NKAIN2: variants seen among roughly 807,000 people sequenced by gnomAD.
The protein encoded by NKAIN2 is sodium/potassium-transporting ATPase subunit beta-1-interacting protein 2.
NKAIN2 carries 14 observed loss-of-function variants against 32.6 expected under a neutral mutation model. That is an observed-to-expected ratio of 0.43 (90% CI 0.28 to 0.67). The LOEUF is 0.67. Among genes scored for constraint, NKAIN2 ranks in the 30% least tolerant of loss-of-function variants. The pLI is 0.17. For synonymous variants in NKAIN2, 80 were observed against 87.2 expected, an observed-to-expected ratio of 0.92 and a Z score of 0.46; for missense variants, 198 against 258.3, an observed-to-expected ratio of 0.77 and a Z score of 1.60.
chr6:124,693,461 C>G (rs1488941663), intron 4 of NKAIN2, among the ~76,000 whole-genome samples: 2 of 152,118 alleles, frequency 1.3e-5, no homozygotes, highest in African/African-American at 2.4e-5. Flanking sequence ...CTAAATGATT[C>G]ACGACTGTTT....
intron 1 of NKAIN2, among the ~76,000 whole-genome samples, chr6:124,232,423 A>T (rs147547881): frequency 6.6e-6 from 1 of 152,310 alleles, no homozygotes; most frequent in Non-Finnish European, 1.5e-5. Context: ...GATCATGATG[A>T]GCCTACATGT....
intron 3 of NKAIN2, among the ~76,000 whole-genome samples, chr6:124,550,428 C>A (rs1007938346): frequency 6.6e-6 from 1 of 151,692 alleles, no homozygotes; most frequent in African/African-American, 2.4e-5. Flanking sequence ...TCCTTACTTT[C>A]TGGCACCACA....
intron 3 of NKAIN2, among the ~76,000 whole-genome samples, chr6:124,454,105 T>G (rs1245784160): frequency 7.7e-6 from 1 of 130,648 alleles, no homozygotes; most frequent in African/African-American, 2.8e-5. Context: ...GGTTTTTTTT[T>G]TGGGGGGGGG....
intron 1 of NKAIN2, among the ~76,000 whole-genome samples, chr6:123,836,579 T>C (rs752676159): frequency 2.0e-5 from 3 of 151,844 alleles, no homozygotes; most frequent in Non-Finnish European, 4.4e-5. Flanking sequence ...CGTCACAATT[T>C]GGAATGAAGC....
intron 3 of NKAIN2, among the ~76,000 whole-genome samples, chr6:124,553,176 A>G (rs975494413): frequency 3.3e-5 from 5 of 152,336 alleles, no homozygotes. Context: ...ATGAATCGTT[A>G]TTGGAATTCC....
At chr6:124,468,739 T>C (rs1157125357) in intron 3 of NKAIN2, among the ~76,000 whole-genome samples, 1 of 152,152 alleles carries the variant, frequency 6.6e-6, no homozygotes, top group Non-Finnish European at 1.5e-5. Flanking sequence ...TCGATGAAAC[T>C]TATATATGGG....
At chr6:124,351,175 T>G (rs1393511034) in intron 2 of NKAIN2, among the ~76,000 whole-genome samples, 1 of 152,174 alleles carries the variant, frequency 6.6e-6, no homozygotes, top group Non-Finnish European at 1.5e-5. Flanking sequence ...TCAAAAACCC[T>G]TAATCTAGTG....
Position 123,976,356 on chromosome 6 carries a change from TATATATA to T in NKAIN2, c.54+172103_54+172109del, listed in dbSNP as rs1778607617. Reference sequence around the variant, plus strand: ...ATATATATATATGTTCCCATATATATATATATATATATTCCCATATATATATATATAT... The same window carrying T: ...ATATATATATATGTTCCCATATATATTATATTCCCATATATATATATATAT... On this transcript the variant is annotated intron_variant, in intron 1 of 6. Coordinates refer to ENST00000368417, the MANE Select transcript of NKAIN2 (RefSeq NM_001040214.3). 2.8e-4 allele frequency among the ~76,000 whole-genome samples: 8 copies of T among 28,210 alleles called. 1 individual carries two copies. Among genetic ancestry groups the T allele is most frequent in the African/African-American group, 1.3e-3 (8 of 6,070 alleles). The allele number at this position is 28,210 out of a possible 152,430, so 18.5% of individuals were successfully genotyped here.
rs150234113 is a variant in NKAIN2, at chr6:123,837,458, G to A, written c.54+33204G>A. 2.3e-3 allele frequency among the ~76,000 whole-genome samples: 353 copies of A among 152,098 alleles called. 1 individual carries two copies. The highest frequency in any genetic ancestry group is 4.1e-3 in the Non-Finnish European group (280 of 67,942). On this transcript the variant is annotated intron_variant, in intron 1 of 6. Transcript: ENST00000368417. ...CTTCCACCCACATTTAATCTATCAAGACATTGTGTTGATTCTACCTTTAAA... is the reference window on the plus strand; with the variant it reads ...CTTCCACCCACATTTAATCTATCAAAACATTGTGTTGATTCTACCTTTAAA...
intron 3 of NKAIN2, among the ~76,000 whole-genome samples, chr6:124,407,658 G>A (rs902704161): frequency 2.0e-4 from 31 of 151,812 alleles, no homozygotes; most frequent in Admixed American, 1.5e-3. Context: ...ATAAACATAC[G>A]TGTGCATGTG....
At chr6:124,452,379 C>T (rs564534621) in intron 3 of NKAIN2, among the ~76,000 whole-genome samples, 4 of 151,916 alleles carry the variant, frequency 2.6e-5, no homozygotes, top group South Asian at 4.2e-4. Context: ...TCCATTGGGA[C>T]GGGGCAAGAA....
chr6:124,323,854 C>T (rs560968711), intron 2 of NKAIN2, among the ~76,000 whole-genome samples: 74 of 144,064 alleles, frequency 5.1e-4, no homozygotes, highest in Middle Eastern at 3.7e-3. Context: ...GTGGCACAAT[C>T]TCGGCTCACT....
At chr6:124,446,041 G>A (rs1775878815) in intron 3 of NKAIN2, among the ~76,000 whole-genome samples, 1 of 152,056 alleles carries the variant, frequency 6.6e-6, no homozygotes, top group African/African-American at 2.4e-5. Flanking sequence ...TTACTTATTT[G>A]CAGAACAACG....
intron 1 of NKAIN2, among the ~76,000 whole-genome samples, chr6:124,079,054 G>C (rs1055311794): frequency 1.3e-5 from 2 of 152,076 alleles, no homozygotes; most frequent in African/African-American, 4.8e-5. Flanking sequence ...AGGCACAGTG[G>C]ATTATGCCTG....
chr6:124,731,391 G>A (rs1242951398), intron 4 of NKAIN2, among the ~76,000 whole-genome samples: 2 of 151,554 alleles, frequency 1.3e-5, no homozygotes, highest in Admixed American at 6.6e-5. Flanking sequence ...AAAAAATGAT[G>A]AGTTCATGTC....
chr6:124,283,173 T>G (rs779517679), intron 2 of NKAIN2, 31 bp downstream of exon 2: 2 of 1,526,592 alleles, frequency 1.3e-6, no homozygotes, highest in Non-Finnish European at 1.8e-6. Context: ...TTAAAAATCT[T>G]ATTGAACTAG....
intron 5 of NKAIN2, among the ~76,000 whole-genome samples, chr6:124,797,037 T>C (rs1043559498): frequency 6.6e-6 from 1 of 152,088 alleles, no homozygotes; most frequent in African/African-American, 2.4e-5. Context: ...CCTCGGTTTT[T>C]CCCCACTGCA....
intron 1 of NKAIN2, among the ~76,000 whole-genome samples, chr6:124,153,934 C>CT (rs57291995): frequency 0.013 from 1,975 of 146,702 alleles, 27 homozygotes; most frequent in South Asian, 0.045. Flanking sequence ...TTATCTATTC[C>CT]TTTTTTTTTT....
At chr6:124,255,546 G>A (rs148026766) in intron 1 of NKAIN2, among the ~76,000 whole-genome samples, 1,924 of 152,222 alleles carry the variant, frequency 0.013, 19 homozygotes, top group Non-Finnish European at 0.021. Flanking sequence ...GGAGGATGCC[G>A]CATTTTTATT....
Sources: allele counts gnomAD v4.1 joint callset (sites outside exome capture counted in the v4.1 genomes callset), GRCh38; gene constraint gnomAD v4.1.1; transcripts MANE v1.5; gene names NCBI Gene and HGNC (gene_info 2026-07-23, HGNC 2026-07-21).